MRPL1: variants seen among roughly 807,000 people sequenced by gnomAD.
MRPL1 encodes the protein large ribosomal subunit protein uL1m.
MRPL1 carries 28 observed loss-of-function variants against 38.0 expected under a neutral mutation model. The ratio of observed to expected loss-of-function variants is 0.74; its 90% CI spans 0.55 to 1.01. MRPL1 has a LOEUF of 1.01. Ranked by LOEUF, MRPL1 falls within the 50% of genes least tolerant of loss-of-function variation. The pLI is 0.00. For missense variants in MRPL1, 358 were observed against 389.8 expected (o/e 0.92, Z 0.69); for synonymous variants, 123 against 126.7 (o/e 0.97, Z 0.20).
At chr4:77,903,102 A>G (rs1736071483) in intron 6 of MRPL1, among the ~76,000 whole-genome samples, 1 of 152,200 alleles carries the variant, frequency 6.6e-6, no homozygotes, top group Non-Finnish European at 1.5e-5. Context: ...AATACTGTTA[A>G]CAAAATATTA....
chr4:77,883,098 A>C (rs1735581677), intron 2 of MRPL1, 144 bp from the exon 3 acceptor site: 1 of 566,664 alleles, frequency 1.8e-6, no homozygotes, highest in African/African-American at 1.9e-5. Flanking sequence ...TTGTTGAATT[A>C]GAAAAACTGT....
chr4:77,940,218 T>C (rs1737085698), intron 7 of MRPL1, among the ~76,000 whole-genome samples: 1 of 152,230 alleles, frequency 6.6e-6, no homozygotes, highest in Non-Finnish European at 1.5e-5. Context: ...ATGATTTCTT[T>C]CAGCAGTGTT....
In MRPL1 at chr4:77,862,869, C is replaced by T. The variant is rs201434356; in HGVS notation, c.21C>T (p.Cys7=). The change falls in exon 1 of 9, where the codon TGC becomes TGT. Residue 7 remains cysteine (C), a synonymous_variant. Transcript: ENST00000315567. ...CCAACATGGCGGCGGCCGTAAGGTGCATGGGTAGAGGTAAGGCGAGGGGTT... is the reference window on the plus strand; with the variant it reads ...CCAACATGGCGGCGGCCGTAAGGTGTATGGGTAGAGGTAAGGCGAGGGGTT... MAAAVR[C]MGRALIHHQR... The T allele has an allele frequency of 4.3e-5, 70 of 1,613,944 alleles. No individual in the cohort carries two copies. The highest frequency in any genetic ancestry group is 7.7e-5 in the South Asian group (7 of 91,068).
At chr4:77,949,991 T>C in intron 8 of MRPL1, 113 bp downstream of exon 8, 1 of 518,262 alleles carries the variant, frequency 1.9e-6, no homozygotes, top group Non-Finnish European at 3.4e-6. Flanking sequence ...ATGTAAAATA[T>C]TAAATAAAAA....
At chr4:77,925,068 A>T (rs1373716057) in intron 7 of MRPL1, among the ~76,000 whole-genome samples, 1 of 152,204 alleles carries the variant, frequency 6.6e-6, no homozygotes, top group African/African-American at 2.4e-5. Context: ...ACATTTGCTT[A>T]CAAAAACTAA....
chr4:77,914,959 G>A (rs773137629), intron 7 of MRPL1, among the ~76,000 whole-genome samples: 3 of 152,104 alleles, frequency 2.0e-5, no homozygotes, highest in Non-Finnish European at 2.9e-5. Context: ...TTTAAAGGTT[G>A]TAAAAAATAA....
In MRPL1 at chr4:77,952,527, A is replaced by G; in HGVS notation, c.898A>G (p.Ser300Gly). Reference sequence around the variant, plus strand: ...ACGTGCTTTCCTTCGTAGTTCAACAAGTGAAGGTTTATTACTGAAGATTGA... The same window carrying G: ...ACGTGCTTTCCTTCGTAGTTCAACAGGTGAAGGTTTATTACTGAAGATTGA... ...VVRAFLRSST[S>G]EGLLLKIDPL... The change falls in exon 9 of 9, where the codon AGT (serine) becomes GGT (glycine). Residue 300 changes from serine (S) to glycine (G), a missense_variant. Ser to Gly is a moderately conservative substitution (Grantham distance 56, BLOSUM62 0). Coordinates refer to ENST00000315567, the MANE Select transcript of MRPL1 (RefSeq NM_020236.4). 1 of 1,613,404 alleles carries G rather than the reference A, an allele frequency of 6.2e-7. No homozygotes were observed. Among genetic ancestry groups the G allele is most frequent in the South Asian group, 1.1e-5 (1 of 90,934 alleles).
intron 1 of MRPL1, among the ~76,000 whole-genome samples, chr4:77,869,615 G>A (rs1735230177): frequency 6.6e-6 from 1 of 152,014 alleles, no homozygotes. Flanking sequence ...TTGTTTTTGA[G>A]ACAGAGTTTC....
At chr4:77,934,006 A>G (rs962621667) in intron 7 of MRPL1, among the ~76,000 whole-genome samples, 1 of 152,216 alleles carries the variant, frequency 6.6e-6, no homozygotes, top group African/African-American at 2.4e-5. Flanking sequence ...GTTTTCCTAC[A>G]TGTGAAAAAA....
In MRPL1 at chr4:77,871,783, T is replaced by C. The variant is rs1560458782; in HGVS notation, c.71T>C (p.Val24Ala). The C allele has an allele frequency of 1.3e-6, 2 of 1,598,670 alleles. No homozygotes were observed. Among genetic ancestry groups the C allele is most frequent in the South Asian group, 1.2e-5 (1 of 86,350 alleles). Residue 24 changes from valine to alanine, a missense_variant, in exon 2 of 9, where the codon GTT becomes GCT. By Grantham distance (64) the Val-to-Ala change is moderately conservative. Transcript: ENST00000315567. ...HHQRHSLSKM[V>A]YQTSLCSCSV... ...CAAAGGCATAGCCTTTCCAAGATGG[T>C]TTATCAGACATCACTTTGTTCTTGT... is the stretch of plus-strand genomic sequence containing the variant.
chr4:77,921,213 T>C (rs1736568352), intron 7 of MRPL1, among the ~76,000 whole-genome samples: 1 of 152,252 alleles, frequency 6.6e-6, no homozygotes, highest in South Asian at 2.1e-4. Flanking sequence ...TGTACACACA[T>C]TCTGAATGCC....
At chr4:77,888,467 C>T (rs961469716) in intron 5 of MRPL1, among the ~76,000 whole-genome samples, 5 of 152,118 alleles carry the variant, frequency 3.3e-5, no homozygotes, top group African/African-American at 1.2e-4. Flanking sequence ...ATTGCGCCTA[C>T]ACTCCAGCCT....
intron 2 of MRPL1, among the ~76,000 whole-genome samples, chr4:77,880,484 G>C (rs1349990806): frequency 6.9e-6 from 1 of 145,142 alleles, no homozygotes; most frequent in Non-Finnish European, 1.5e-5. Context: ...ACCTTATCTC[G>C]TCTGCAAGGT....
chr4:77,882,345 C>T (rs1490878192), intron 2 of MRPL1, among the ~76,000 whole-genome samples: 1 of 152,156 alleles, frequency 6.6e-6, no homozygotes, highest in Non-Finnish European at 1.5e-5. Context: ...TTACATATCA[C>T]ACAATTCACC....
chr4:77,893,918 A>T (rs1375562187), intron 5 of MRPL1, among the ~76,000 whole-genome samples: 1 of 148,048 alleles, frequency 6.8e-6, no homozygotes, highest in Non-Finnish European at 1.5e-5. Flanking sequence ...GAAACCATTA[A>T]TTTTTTTTTT....
chr4:77,874,144 G>A (rs1409881326), intron 2 of MRPL1, among the ~76,000 whole-genome samples: 3 of 151,780 alleles, frequency 2.0e-5, no homozygotes, highest in South Asian at 2.1e-4. Flanking sequence ...CTGCCACCAC[G>A]CCCAGCTAAT....
rs1040486867 is a variant in MRPL1 at position 77,929,413 on chromosome 4, TA to T, written c.777+20049del. 4.9e-4 allele frequency among the ~76,000 whole-genome samples: 75 copies of T among 152,032 alleles called. 1 individual carries two copies. The South Asian group carries it at 6.7e-3, about 14-fold the overall frequency. ...TTATGAGTGTCATTAGTATTACATC[TA>T]AAAAAAATAACATTTATTAATATAG... On this transcript the variant is annotated intron_variant, in intron 7 of 8. Transcript: ENST00000315567.
intron 8 of MRPL1, among the ~76,000 whole-genome samples, chr4:77,950,539 T>A (rs186903057): frequency 6.6e-4 from 101 of 152,288 alleles, no homozygotes; most frequent in African/African-American, 2.4e-3. Flanking sequence ...AGGCTTACCA[T>A]GATAAGAATT....
At chr4:77,895,329 T>G (rs1372632472) in intron 6 of MRPL1, among the ~76,000 whole-genome samples, 1 of 152,040 alleles carries the variant, frequency 6.6e-6, no homozygotes, top group Non-Finnish European at 1.5e-5. Context: ...TCAAGGATAT[T>G]AGGACTTAGC....
Sources: gnomAD v4.1 joint callset for allele counts (sites outside exome capture counted in the v4.1 genomes callset) on GRCh38, gnomAD v4.1.1 for gene constraint, MANE v1.5 for transcripts, NCBI Gene and HGNC (gene_info 2026-07-23, HGNC 2026-07-21) for gene names.